Variants in TBXAS1 observed in about 807,000 individuals in gnomAD.
TBXAS1 encodes the protein thromboxane A synthase 1.
Under a neutral mutation model 60.7 loss-of-function variants are expected in TBXAS1, and 48 were observed. That is an observed-to-expected ratio of 0.79 (90% CI 0.63 to 1.01). The LOEUF is 1.01. Among genes scored for constraint, TBXAS1 ranks in the 50% least tolerant of loss-of-function variants. The pLI is 0.00. For synonymous variants in TBXAS1, 287 were observed against 269.7 expected, an observed-to-expected ratio of 1.06 and a Z score of -0.63; for missense variants, 685 against 686.3, an observed-to-expected ratio of 1.00 and a Z score of 0.02.
At chr7:139,972,388 C>G (rs1376043926) in intron 9 of TBXAS1, among the ~76,000 whole-genome samples, 1 of 152,164 alleles carries the variant, frequency 6.6e-6, no homozygotes, top group Non-Finnish European at 1.5e-5. Flanking sequence ...AAAGTCAGCT[C>G]CACAGGTGAA....
At chr7:139,996,431 T>C (rs1260485302) in intron 9 of TBXAS1, among the ~76,000 whole-genome samples, 1 of 152,154 alleles carries the variant, frequency 6.6e-6, no homozygotes, top group Non-Finnish European at 1.5e-5. Flanking sequence ...CCCAGAGGAC[T>C]CATCCCCGTC....
At chr7:139,846,448 G>A (rs1358396461) in intron 1 of TBXAS1, among the ~76,000 whole-genome samples, 1 of 152,154 alleles carries the variant, frequency 6.6e-6, no homozygotes, top group Non-Finnish European at 1.5e-5. Context: ...CATGTTGGGA[G>A]GATTACATGA....
chr7:139,942,006 T>A (rs1033832080), intron 5 of TBXAS1, among the ~76,000 whole-genome samples: 3 of 152,246 alleles, frequency 2.0e-5, no homozygotes, highest in African/African-American at 7.2e-5. Flanking sequence ...GCTGTTCTGA[T>A]TTGAAAGATA....
intron 3 of TBXAS1, among the ~76,000 whole-genome samples, chr7:139,880,012 T>C (rs1201264431): frequency 6.6e-6 from 1 of 152,152 alleles, no homozygotes; most frequent in African/African-American, 2.4e-5. Context: ...GCCAACCAAG[T>C]TGCTGGGAAT....
chr7:139,805,663 T>C (rs1210725960), intron 4 of TBXAS1, among the ~76,000 whole-genome samples: 4 of 68,354 alleles, frequency 5.9e-5, no homozygotes, highest in African/African-American at 2.8e-4. Context: ...TCTTTTTCTC[T>C]TTCTTTCTTT....
intron 1 of TBXAS1, among the ~76,000 whole-genome samples, chr7:139,853,272 AG>A (rs35763426): frequency 0.21 from 31,865 of 152,142 alleles, 4,512 homozygotes; most frequent in African/African-American, 0.4. Flanking sequence ...TTGAACAAAC[AG>A]GGGCTTTTCG....
chr7:139,839,180 G>T (rs770627845), intron 1 of TBXAS1, among the ~76,000 whole-genome samples: 1 of 152,176 alleles, frequency 6.6e-6, no homozygotes, highest in African/African-American at 2.4e-5. Context: ...GGATGGGGTT[G>T]TGGGTGATTT....
intron 3 of TBXAS1, among the ~76,000 whole-genome samples, chr7:139,886,076 C>G (rs1196096857): frequency 2.6e-5 from 4 of 152,196 alleles, no homozygotes; most frequent in Admixed American, 2.6e-4. Flanking sequence ...ATTTCTATAG[C>G]TATGCACACA....
chr7:139,823,837 C>T (rs1361377520), intron 4 of TBXAS1, among the ~76,000 whole-genome samples: 1 of 152,170 alleles, frequency 6.6e-6, no homozygotes, highest in African/African-American at 2.4e-5. Flanking sequence ...TCACTTACTT[C>T]CTGGGGTTGC....
intron 3 of TBXAS1, among the ~76,000 whole-genome samples, chr7:139,908,419 C>T (rs774525480): frequency 2.0e-5 from 3 of 152,038 alleles, no homozygotes; most frequent in Non-Finnish European, 4.4e-5. Context: ...CTCCTTGTTT[C>T]ATTTTTCTTA....
intron 1 of TBXAS1, among the ~76,000 whole-genome samples, chr7:139,847,267 T>G (rs3801155): frequency 1.3e-5 from 2 of 152,332 alleles, no homozygotes; most frequent in East Asian, 3.9e-4. Flanking sequence ...AATTTTCATC[T>G]GGTCTTTGCT....
intron 1 of TBXAS1, among the ~76,000 whole-genome samples, chr7:139,847,590 C>T (rs991177105): frequency 6.6e-6 from 1 of 152,182 alleles, no homozygotes; most frequent in South Asian, 2.1e-4. Context: ...TTGACTCCAC[C>T]CCAGGCACCA....
chr7:139,993,897 T>C (rs1253355326), intron 9 of TBXAS1, among the ~76,000 whole-genome samples: 4 of 145,760 alleles, frequency 2.7e-5, no homozygotes, highest in Non-Finnish European at 4.5e-5. Context: ...TCTTTCTTTT[T>C]TTTTTTTTTT....
At chr7:139,834,648 AC>A (rs1798937796) in intron 1 of TBXAS1, among the ~76,000 whole-genome samples, 2 of 152,220 alleles carry the variant, frequency 1.3e-5, no homozygotes, top group South Asian at 4.1e-4. Context: ...ATTACAACTG[AC>A]ACCACTAAAA....
intron 9 of TBXAS1, among the ~76,000 whole-genome samples, chr7:139,968,241 T>C (rs1038848609): frequency 3.9e-5 from 6 of 152,166 alleles, no homozygotes; most frequent in African/African-American, 1.4e-4. Context: ...AGGGTATAGA[T>C]TTTGGTTCCA....
At chr7:139,978,623 A>G (rs1366196630) in intron 9 of TBXAS1, among the ~76,000 whole-genome samples, 26 of 152,022 alleles carry the variant, frequency 1.7e-4, no homozygotes, top group Admixed American at 1.7e-3. Flanking sequence ...TCTAACACCA[A>G]TTAGATATTT....
chr7:139,856,902 G>T lies in TBXAS1; in HGVS notation c.90-15333G>T, dbSNP rs571276818. On this transcript the variant is annotated intron_variant, in intron 1 of 12. Coordinates refer to ENST00000448866, the MANE Select transcript of TBXAS1 (RefSeq NM_001061.7). Reference sequence around the variant, plus strand: ...TTTTAACATCAGACGCTTTCAGGGCGTTATGGCGTCAACACCAATGGAGGC... The same window carrying T: ...TTTTAACATCAGACGCTTTCAGGGCTTTATGGCGTCAACACCAATGGAGGC... Among the ~76,000 whole-genome samples, 47 of 152,316 alleles carry T rather than the reference G, an allele frequency of 3.1e-4. 1 individual carries two copies. The highest frequency in any genetic ancestry group is 3.3e-4 in the Admixed American group (5 of 15,304).
intron 4 of TBXAS1, among the ~76,000 whole-genome samples, chr7:139,930,396 T>A (rs1569515005): frequency 6.6e-6 from 1 of 151,582 alleles, no homozygotes; most frequent in East Asian, 1.9e-4. Context: ...GTGAAGTGAG[T>A]GAAGCCTCAC....
chr7:140,007,129 C>T lies in TBXAS1; in HGVS notation c.1173C>T (p.Pro391=). The T allele has an allele frequency of 6.2e-7, 1 of 1,614,200 alleles. No homozygotes were observed. Among genetic ancestry groups the T allele is most frequent in the Non-Finnish European group, 8.5e-7 (1 of 1,180,044 alleles). ...TCTGCAGCCTCGAGGAAGGCCTGCC[C>T]TATCTGGACATGGTGATTGCAGAGA... ...PEFCSLEEGL[P]YLDMVIAETL... The change falls in exon 10 of 13, where the codon CCC becomes CCT. Residue 391 remains proline, a synonymous_variant. Transcript: ENST00000448866.
Sources: allele counts gnomAD v4.1 joint callset (sites outside exome capture counted in the v4.1 genomes callset), GRCh38; gene constraint gnomAD v4.1.1; transcripts MANE v1.5; gene names NCBI Gene and HGNC (gene_info 2026-07-23, HGNC 2026-07-21).